MTOR: variants seen among roughly 807,000 people sequenced by gnomAD.
MTOR encodes the protein mechanistic target of rapamycin kinase, also known as serine/threonine-protein kinase mTOR.
In MTOR, 70 loss-of-function variants were observed where a neutral mutation model predicts 319.8. The ratio of observed to expected loss-of-function variants is 0.22; its 90% CI spans 0.18 to 0.27. MTOR has a LOEUF of 0.27. MTOR is among the 10% of genes least tolerant of loss of function. MTOR has a pLI of 1.00. For synonymous variants in MTOR, 1,183 were observed against 1,211.4 expected (o/e 0.98, Z 0.49); for missense variants, 1,890 against 3,274.4 (o/e 0.58, Z 10.32).
chr1:11,232,985 A>C, intron 15 of MTOR: 2 of 866,154 alleles, frequency 2.3e-6, no homozygotes, highest in African/African-American at 1.7e-5. Context: ...AGACTTTCAG[A>C]ATTAAGCAAT....
In MTOR at chr1:11,129,604, C is replaced by T. The variant is rs910382717; in HGVS notation, c.5714+134G>A. 1 of 732,198 alleles carries T rather than the reference C, an allele frequency of 1.4e-6. No homozygotes were observed. The highest frequency in any genetic ancestry group is 2.3e-5 in the Admixed American group (1 of 42,788). The allele number at this position is 732,198 out of a possible 1,614,324, so 45.4% of individuals were successfully genotyped here. ...CAGCTGTTACTCCTTAAATGCAGTG[C>T]AGAAAAAAGGCACATACATCGATCT... On this transcript the variant is annotated intron_variant, in intron 40 of 57. Coordinates refer to ENST00000361445, the MANE Select transcript of MTOR (RefSeq NM_004958.4). The surrounding 1 kb of genome is among the most constrained non-coding windows in gnomAD (Gnocchi z 4.7).
At chr1:11,137,956 T>TTAACTATGAAGATATGACA (rs1553175880) in intron 36 of MTOR, among the ~76,000 whole-genome samples, 7 of 152,346 alleles carry the variant, frequency 4.6e-5, no homozygotes, top group African/African-American at 1.7e-4. Context: ...GGGTAGCTCC[T>TTAACTATGAAGATATGACA]TAACTATGAA....
chr1:11,243,365 A>G, intron 8 of MTOR, 65 bp from the exon 9 acceptor site: 1 of 1,457,110 alleles, frequency 6.9e-7, no homozygotes, highest in Non-Finnish European at 9.4e-7. Flanking sequence ...ATCAACAGTC[A>G]AAGGTCCTAT....
intron 29 of MTOR, 45 bp from the exon 30 acceptor site, chr1:11,157,336 G>T: frequency 6.3e-7 from 1 of 1,593,166 alleles, no homozygotes; most frequent in Non-Finnish European, 8.5e-7. Flanking sequence ...CACAGAAGAA[G>T]GGATCACATT....
intron 31 of MTOR, among the ~76,000 whole-genome samples, 163 bp downstream of exon 31, chr1:11,149,963 G>C (rs978352449): frequency 2.6e-5 from 4 of 152,148 alleles, no homozygotes; most frequent in Admixed American, 2.6e-4. Flanking sequence ...AAATCATCAG[G>C]TAGAAAGGAC....
intron 4 of MTOR, 111 bp from the exon 5 acceptor site, chr1:11,256,303 G>A (rs981849680): frequency 6.8e-7 from 1 of 1,470,202 alleles, no homozygotes; most frequent in Admixed American, 2.5e-5. Context: ...GAGAAGGCTT[G>A]CTCACTCTTC....
At chr1:11,216,264 T>C in intron 19 of MTOR, 30 bp from the exon 20 acceptor site, 1 of 1,566,354 alleles carries the variant, frequency 6.4e-7, no homozygotes, top group Non-Finnish European at 8.8e-7. Flanking sequence ...AACCAGCTGG[T>C]ATCATGAAGG....
At chr1:11,108,825 T>A (rs935549312) in intron 56 of MTOR, among the ~76,000 whole-genome samples, 1 of 151,096 alleles carries the variant, frequency 6.6e-6, no homozygotes, top group Admixed American at 6.6e-5. Context: ...TGAAACCCCA[T>A]CTCTACTAAA....
intron 28 of MTOR, chr1:11,194,612 A>C: frequency 6.2e-7 from 1 of 1,614,228 alleles, no homozygotes; most frequent in Non-Finnish European, 8.5e-7. Context: ...AGCACCAAGG[A>C]CAAGGACAAT....
rs145469745 is a variant in MTOR at position 11,155,666 on chromosome 1, G to A, written c.4469+1486C>T. On this transcript the variant is annotated intron_variant, in intron 30 of 57. Coordinates refer to ENST00000361445, the MANE Select transcript of MTOR (RefSeq NM_004958.4). ...ATTGTACAGGTCCAAGTTAGATATC[G>A]TTTCCTCCCGGTATCTTCCAAGGCT... Among the ~76,000 whole-genome samples the A allele has an allele frequency of 1.4e-3, 207 of 152,272 alleles. 1 individual carries two copies. Among genetic ancestry groups the A allele is most frequent in the African/African-American group, 4.7e-3 (196 of 41,544 alleles).
intron 24 of MTOR, among the ~76,000 whole-genome samples, chr1:11,209,746 G>A (rs1646252131): frequency 6.6e-6 from 1 of 152,202 alleles, no homozygotes; most frequent in South Asian, 2.1e-4. Context: ...AAGTGATAAA[G>A]TGTTTGGAGC....
At chr1:11,112,817 G>GGA in intron 54 of MTOR, 35 bp downstream of exon 54, 1 of 1,611,470 alleles carries the variant, frequency 6.2e-7, no homozygotes, top group South Asian at 1.1e-5. Context: ...TGCACAAGGG[G>GGA]GAGAGCCTTT....
At chr1:11,118,543 T>A (rs974226849) in intron 49 of MTOR, among the ~76,000 whole-genome samples, 2 of 151,736 alleles carry the variant, frequency 1.3e-5, no homozygotes, top group Non-Finnish European at 2.9e-5. Flanking sequence ...TCTTGTTTAT[T>A]TTTAAGAGAC....
intron 28 of MTOR, among the ~76,000 whole-genome samples, chr1:11,184,615 CA>C (rs1185236701): frequency 3.3e-5 from 5 of 152,122 alleles, no homozygotes; most frequent in African/African-American, 9.7e-5. Flanking sequence ...CTTGTATTCC[CA>C]GCTACTTTGG....
chr1:11,209,744 A>G (rs1047854919), intron 24 of MTOR, among the ~76,000 whole-genome samples: 17 of 152,184 alleles, frequency 1.1e-4, no homozygotes, highest in African/African-American at 4.1e-4. Flanking sequence ...AAAAGTGATA[A>G]AGTGTTTGGA....
At position 11,212,800 on chromosome 1, in the gene MTOR, G is replaced by A. The variant is rs2100794676; in HGVS notation, c.3394C>T (p.Arg1132Ter). Residue 1132 changes from arginine to a stop codon, truncating the protein, a stop_gained, in exon 22 of 58, where the codon CGA (arginine) becomes TGA (stop). Coordinates refer to ENST00000361445, the MANE Select transcript of MTOR (RefSeq NM_004958.4). LOFTEE classifies it high-confidence loss of function. The surrounding 1 kb of genome is among the most constrained non-coding windows in gnomAD (Gnocchi z 4.1). Reference protein sequence around the residue: ...FDAPEAPLPSRKAALETVDRL... With the variant: ...FDAPEAPLPS Reference sequence around the variant, plus strand: ...TCCCAAAGAGGAGGTGCTCACTTTCGAGATGGCAGTGGAGCTTCAGGGGCA... The same window carrying A: ...TCCCAAAGAGGAGGTGCTCACTTTCAAGATGGCAGTGGAGCTTCAGGGGCA... 4 of 1,611,942 alleles carry A rather than the reference G, an allele frequency of 2.5e-6. No individual in the cohort carries two copies. Among genetic ancestry groups the A allele is most frequent in the Non-Finnish European group, 2.5e-6 (3 of 1,178,056 alleles).
Position 11,109,162 on chromosome 1 carries a change from A to G in MTOR, c.7528+128T>C. 1.4e-6 allele frequency: 1 copy of G among 731,658 alleles called. No individual in the cohort carries two copies. The highest frequency in any genetic ancestry group is 1.8e-5 in the African/African-American group (1 of 56,362). The allele number at this position is 731,658 out of a possible 1,614,324, so 45.3% of individuals were successfully genotyped here. A position where few individuals can be genotyped will look rare whatever the true frequency, so the allele number is the denominator to read the frequency against. Reference sequence around the variant, plus strand: ...ATGTTTAACTGATGACCTCAAAGACACTCTTTGTCAGCTGCATGGTGCCAA... The same window carrying G: ...ATGTTTAACTGATGACCTCAAAGACGCTCTTTGTCAGCTGCATGGTGCCAA... On this transcript the variant is annotated intron_variant, in intron 56 of 57. Transcript: ENST00000361445. The surrounding 1 kb of genome is among the most constrained non-coding windows in gnomAD (Gnocchi z 4.0).
chr1:11,121,446 G>A lies in MTOR; in HGVS notation c.6811-78C>T. ...GGGTCCAGGAAGAAACAAGGCTTGG[G>A]GTCCAGGCAGAGCTGAGTTCTAATT... On this transcript the variant is annotated intron_variant, in intron 48 of 57. Transcript: ENST00000361445. This position sits in a 1 kb window ranked among gnomAD's most constrained non-coding sequence, Gnocchi z 4.9. 1 of 1,576,820 alleles carries A rather than the reference G, an allele frequency of 6.3e-7. No individual in the cohort carries two copies. Among genetic ancestry groups the A allele is most frequent in the Non-Finnish European group, 8.6e-7 (1 of 1,159,416 alleles).
rs544474311 is a variant in MTOR, at chr1:11,131,074, G to A, written c.5365-297C>T. 2.3e-4 allele frequency: 107 copies of A among 471,720 alleles called. No homozygotes were observed. In the Middle Eastern group the frequency reaches 4.6e-3, roughly 20 times the overall value. The allele number at this position is 471,720 out of a possible 1,614,324, so 29.2% of individuals were successfully genotyped here. On this transcript the variant is annotated intron_variant, in intron 38 of 57. Transcript: ENST00000361445. ...CTCCCGGCCTCCTAGGGGAGCTCACGCACAAACCTGAAGACCTAGGTACTC... is the reference window on the plus strand; with the variant it reads ...CTCCCGGCCTCCTAGGGGAGCTCACACACAAACCTGAAGACCTAGGTACTC...
Sources: gnomAD v4.1 joint callset for allele counts (sites outside exome capture counted in the v4.1 genomes callset) on GRCh38, gnomAD v4.1.1 for gene constraint, Gnocchi (gnomAD v3.1) non-coding constraint, MANE v1.5 for transcripts, NCBI Gene and HGNC (gene_info 2026-07-23, HGNC 2026-07-21) for gene names.